The following PDE7B variants were observed in gnomAD, a reference collection of about 807,000 sequenced individuals.
The protein encoded by PDE7B is phosphodiesterase 7B.
In PDE7B, 29 loss-of-function variants were observed where a neutral mutation model predicts 56.2. The observed-to-expected ratio is 0.52, with a 90% confidence interval of 0.38 to 0.70. The LOEUF is 0.70. Among genes scored for constraint, PDE7B ranks in the 30% least tolerant of loss-of-function variants. The pLI is 0.00. For synonymous variants in PDE7B, 197 were observed against 196.9 expected, an observed-to-expected ratio of 1.00 and a Z score of 0.00; for missense variants, 490 against 565.0, an observed-to-expected ratio of 0.87 and a Z score of 1.35.
At chr6:136,186,904 C>T in intron 11 of PDE7B, 132 bp from the exon 12 acceptor site, 2 of 670,006 alleles carry the variant, frequency 3.0e-6, no homozygotes, top group South Asian at 3.4e-5. Flanking sequence ...TGAAGGGTCC[C>T]TAAGGGATAA....
chr6:136,191,514 A>G (rs1779224277), intron 12 of PDE7B, 100 bp from the exon 13 acceptor site: 1 of 1,000,450 alleles, frequency 1.0e-6, no homozygotes, highest in Admixed American at 2.1e-5. Flanking sequence ...TAAAGATACA[A>G]AAATTAGCCG....
intron 1 of PDE7B, among the ~76,000 whole-genome samples, chr6:135,871,360 C>T (rs1344604896): frequency 1.3e-5 from 2 of 152,134 alleles, no homozygotes; most frequent in East Asian, 1.9e-4. Flanking sequence ...CCCACAAGGA[C>T]GTGAAATCAA....
chr6:135,880,721 T>G (rs1309232796), intron 1 of PDE7B, among the ~76,000 whole-genome samples: 1 of 152,208 alleles, frequency 6.6e-6, no homozygotes, highest in African/African-American at 2.4e-5. Flanking sequence ...AAGCCAAGAT[T>G]GCTATGCAAA....
intron 12 of PDE7B, among the ~76,000 whole-genome samples, chr6:136,191,288 C>T: frequency 6.6e-6 from 1 of 152,196 alleles, no homozygotes; most frequent in East Asian, 1.9e-4. Context: ...CTTGCTTGCC[C>T]TTCTGGCCCC....
At chr6:135,961,281 A>ATGTGTGTGTGTG (rs771473679) in intron 2 of PDE7B, among the ~76,000 whole-genome samples, 957 of 89,470 alleles carry the variant, frequency 0.011, 4 homozygotes, top group East Asian at 0.026. Flanking sequence ...GTGTGTGTGT[A>ATGTGTGTGTGTG]TGTGTGTGTG....
intron 2 of PDE7B, among the ~76,000 whole-genome samples, chr6:136,073,972 C>A (rs1222264885): frequency 6.6e-6 from 1 of 152,058 alleles, no homozygotes; most frequent in Non-Finnish European, 1.5e-5. Flanking sequence ...AGAAATAATT[C>A]CTTCGTGGAG....
At chr6:135,894,598 G>A (rs1317333754) in intron 1 of PDE7B, among the ~76,000 whole-genome samples, 1 of 152,140 alleles carries the variant, frequency 6.6e-6, no homozygotes. Context: ...AAGGACAATA[G>A]CCTCCCACAT....
intron 11 of PDE7B, among the ~76,000 whole-genome samples, chr6:136,183,877 C>T (rs1305392510): frequency 6.6e-6 from 1 of 152,038 alleles, no homozygotes; most frequent in Non-Finnish European, 1.5e-5. Flanking sequence ...GTTGAGGACA[C>T]AGGGGGAAAG....
chr6:136,031,168 T>C (rs1776240434), intron 2 of PDE7B, among the ~76,000 whole-genome samples: 1 of 152,224 alleles, frequency 6.6e-6, no homozygotes, highest in South Asian at 2.1e-4. Flanking sequence ...TGCATTTTCT[T>C]TCATAAATAA....
intron 1 of PDE7B, among the ~76,000 whole-genome samples, chr6:135,885,343 T>TA (rs1183063459): frequency 7.2e-6 from 1 of 138,612 alleles, no homozygotes; most frequent in Non-Finnish European, 1.6e-5. Context: ...TTTTTTTTTT[T>TA]ATCTCACTGC....
At chr6:136,135,995 A>AT (rs1019349800) in intron 3 of PDE7B, among the ~76,000 whole-genome samples, 2 of 152,024 alleles carry the variant, frequency 1.3e-5, no homozygotes, top group Non-Finnish European at 2.9e-5. Context: ...TATAAAAATT[A>AT]TTTTTACAGG....
At chr6:136,126,590 G>GGT (rs1340698512) in intron 3 of PDE7B, among the ~76,000 whole-genome samples, 1 of 152,028 alleles carries the variant, frequency 6.6e-6, no homozygotes, top group East Asian at 1.9e-4. Flanking sequence ...AAGAAACTGT[G>GGT]GTATATATAA....
intron 2 of PDE7B, among the ~76,000 whole-genome samples, chr6:136,028,257 A>G (rs1425174053): frequency 2.0e-5 from 3 of 152,240 alleles, no homozygotes; most frequent in African/African-American, 7.2e-5. Context: ...ACGTAAGTGA[A>G]GTTACATCCC....
At chr6:135,869,555 T>A (rs1775333820) in intron 1 of PDE7B, among the ~76,000 whole-genome samples, 1 of 152,104 alleles carries the variant, frequency 6.6e-6, no homozygotes. Flanking sequence ...AAAACAAAGT[T>A]CCCATCCCCA....
intron 1 of PDE7B, among the ~76,000 whole-genome samples, chr6:135,861,600 TA>T (rs1775147984): frequency 6.6e-6 from 1 of 151,242 alleles, no homozygotes; most frequent in South Asian, 2.1e-4. Context: ...TCTCATGTTT[TA>T]TTCTTCTCAA....
At chr6:135,993,533 G>A (rs1775510043) in intron 2 of PDE7B, among the ~76,000 whole-genome samples, 1 of 152,156 alleles carries the variant, frequency 6.6e-6, no homozygotes, top group Non-Finnish European at 1.5e-5. Flanking sequence ...GTTATAAGCT[G>A]GCACAGAAGC....
chr6:135,943,380 T>C (rs1774540024), intron 1 of PDE7B, among the ~76,000 whole-genome samples: 1 of 152,196 alleles, frequency 6.6e-6, no homozygotes, highest in Non-Finnish European at 1.5e-5. Context: ...CCAAAGCCCG[T>C]GCTCTACTAG....
At chr6:136,175,273 A>G (rs564370790) in intron 9 of PDE7B, among the ~76,000 whole-genome samples, 1 of 152,372 alleles carries the variant, frequency 6.6e-6, no homozygotes, top group East Asian at 1.9e-4. Context: ...AAAAGCCATT[A>G]TCATAATCAT....
chr6:136,033,312 T>C (rs1776272416), intron 2 of PDE7B, among the ~76,000 whole-genome samples: 1 of 152,198 alleles, frequency 6.6e-6, no homozygotes, highest in African/African-American at 2.4e-5. Flanking sequence ...GTTAAGATCT[T>C]TAACAGCTAA....
Sources: allele counts gnomAD v4.1 joint callset (sites outside exome capture counted in the v4.1 genomes callset), GRCh38; gene constraint gnomAD v4.1.1; transcripts MANE v1.5; gene names NCBI Gene and HGNC (gene_info 2026-07-23, HGNC 2026-07-21).